The following CSGALNACT1 variants were observed in gnomAD, a reference collection of about 807,000 sequenced individuals.
CSGALNACT1 encodes the protein chondroitin sulfate N-acetylgalactosaminyltransferase 1.
A neutral mutation model predicts 51.0 loss-of-function variants in CSGALNACT1; 52 were observed. That is an observed-to-expected ratio of 1.02 (90% CI 0.82 to 1.29). CSGALNACT1 has a LOEUF of 1.29. Among genes scored for constraint, CSGALNACT1 ranks in the 50% most tolerant of loss-of-function variants. CSGALNACT1 has a pLI of 0.00. For missense variants in CSGALNACT1, 935 were observed against 679.2 expected, an observed-to-expected ratio of 1.38 and a Z score of -4.19; for synonymous variants, 341 against 254.4, an observed-to-expected ratio of 1.34 and a Z score of -3.24.
At chr8:19,453,194 T>G (rs1463611055) in intron 5 of CSGALNACT1, among the ~76,000 whole-genome samples, 1 of 151,996 alleles carries the variant, frequency 6.6e-6, no homozygotes, top group Admixed American at 6.6e-5. Context: ...AGAAGAAAAT[T>G]TCTTAGACAT....
rs112510229 is a variant in CSGALNACT1 at position 19,524,620 on chromosome 8, T to C, written c.-296-18490A>G. ...GACTCTAAGTTAATGAGTCTCAAGA[T>C]TGATATAAATGCAATTATCCTGTGG... On this transcript the variant is annotated intron_variant, in intron 3 of 9. Transcript: ENST00000454498. Among the ~76,000 whole-genome samples the C allele has an allele frequency of 3.5e-3, 535 of 152,250 alleles. 7 individuals are homozygous for C. The highest frequency in any genetic ancestry group is 0.012 in the African/African-American group (515 of 41,534).
At chr8:19,632,730 A>G (rs1265700438) in intron 1 of CSGALNACT1, among the ~76,000 whole-genome samples, 1 of 152,136 alleles carries the variant, frequency 6.6e-6, no homozygotes, top group African/African-American at 2.4e-5. Context: ...CTTCCTTTCA[A>G]CCTAAGCAGA....
At chr8:19,587,925 T>C (rs1472390963) in intron 3 of CSGALNACT1, 2 of 152,228 alleles carry the variant, frequency 1.3e-5, no homozygotes, top group Non-Finnish European at 2.9e-5. Context: ...CAATGGTGGC[T>C]CACGGCTGTA....
intron 3 of CSGALNACT1, among the ~76,000 whole-genome samples, chr8:19,571,195 C>A (rs1470775350): frequency 1.3e-5 from 2 of 152,104 alleles, no homozygotes; most frequent in Admixed American, 6.5e-5. Flanking sequence ...GTCTCAAACT[C>A]CTGGGCTCAA....
chr8:19,630,885 C>T (rs1365002632), intron 1 of CSGALNACT1, among the ~76,000 whole-genome samples: 1 of 152,162 alleles, frequency 6.6e-6, no homozygotes, highest in Non-Finnish European at 1.5e-5. Context: ...CAGACACCCG[C>T]CTCCCTACAG....
rs182501225 is a variant in CSGALNACT1, at chr8:19,440,222, G to A, written c.852-291C>T. On this transcript the variant is annotated intron_variant, in intron 5 of 9. Coordinates refer to ENST00000454498, the Ensembl canonical transcript of CSGALNACT1. ...TCCTAGCCCACCGGGCCTAGACAGTGTCATGGAATTGGGTCCTTGGGGTCC... is the reference window on the plus strand; with the variant it reads ...TCCTAGCCCACCGGGCCTAGACAGTATCATGGAATTGGGTCCTTGGGGTCC... Among the ~76,000 whole-genome samples, 3 of 152,334 alleles carry A rather than the reference G, an allele frequency of 2.0e-5. No homozygotes were observed. The East Asian group carries it at 5.8e-4, about 29-fold the overall frequency.
chr8:19,408,266 T>A (rs1234926481), intron 9 of CSGALNACT1, among the ~76,000 whole-genome samples: 5 of 152,052 alleles, frequency 3.3e-5, no homozygotes. Flanking sequence ...TGCCACCTAC[T>A]ACCAGGCCCC....
intron 4 of CSGALNACT1, among the ~76,000 whole-genome samples, chr8:19,461,469 C>T (rs1316351702): frequency 2.0e-5 from 3 of 152,162 alleles, no homozygotes; most frequent in African/African-American, 7.2e-5. Context: ...ACAGCAGCCA[C>T]ATTCACCAAG....
chr8:19,603,685 T>A (rs1386572793), upstream of CSGALNACT1, among the ~76,000 whole-genome samples: 1 of 152,212 alleles, frequency 6.6e-6, no homozygotes, highest in Non-Finnish European at 1.5e-5. Context: ...CCACTTAAAT[T>A]TTCTTTTCTG....
intron 2 of CSGALNACT1, among the ~76,000 whole-genome samples, chr8:19,598,169 A>G (rs1288404519): frequency 1.3e-5 from 2 of 152,228 alleles, no homozygotes; most frequent in Non-Finnish European, 2.9e-5. Context: ...TCCCAATAGC[A>G]GAGCTCAAAA....
At chr8:19,621,554 G>A (rs1486308299) in intron 1 of CSGALNACT1, among the ~76,000 whole-genome samples, 1 of 152,118 alleles carries the variant, frequency 6.6e-6, no homozygotes, top group Admixed American at 6.5e-5. Context: ...GCCAAGGCAG[G>A]AGGATTGAGG....
intron 1 of CSGALNACT1, among the ~76,000 whole-genome samples, chr8:19,688,394 T>A (rs1319003620): frequency 6.6e-6 from 1 of 152,154 alleles, no homozygotes; most frequent in Admixed American, 6.5e-5. Flanking sequence ...GGTAGACAAG[T>A]GGCCACACCC....
At chr8:19,459,369 C>T (rs1350254700) in intron 4 of CSGALNACT1, among the ~76,000 whole-genome samples, 2 of 119,148 alleles carry the variant, frequency 1.7e-5, no homozygotes, top group Non-Finnish European at 3.2e-5. Flanking sequence ...GGCAACAGAG[C>T]GAAACTTTAT....
chr8:19,458,881 G>T (rs1259683861), intron 4 of CSGALNACT1, among the ~76,000 whole-genome samples: 1 of 152,134 alleles, frequency 6.6e-6, no homozygotes, highest in East Asian at 1.9e-4. Context: ...AGCTTGAAAT[G>T]CTGGATACAA....
intron 3 of CSGALNACT1, among the ~76,000 whole-genome samples, chr8:19,535,603 A>G (rs2083577945): frequency 6.6e-6 from 1 of 152,222 alleles, no homozygotes; most frequent in Admixed American, 6.5e-5. Flanking sequence ...CAATTCAGGT[A>G]GTGCTCCAAG....
chr8:19,501,662 G>T (rs144920701), intron 4 of CSGALNACT1, among the ~76,000 whole-genome samples: 27 of 152,342 alleles, frequency 1.8e-4, no homozygotes, highest in African/African-American at 6.3e-4. Context: ...TTTGGATTGT[G>T]AAAGAGAGTT....
At chr8:19,648,755 T>C (rs1406083671) in intron 1 of CSGALNACT1, among the ~76,000 whole-genome samples, 1 of 152,118 alleles carries the variant, frequency 6.6e-6, no homozygotes, top group Admixed American at 6.6e-5. Flanking sequence ...TAGTGAGCCA[T>C]GGTGGCGCCA....
intron 1 of CSGALNACT1, among the ~76,000 whole-genome samples, chr8:19,631,139 T>C (rs2055198387): frequency 6.6e-6 from 1 of 152,224 alleles, no homozygotes; most frequent in African/African-American, 2.4e-5. Context: ...ATTTTGGCAA[T>C]TATGAATAAA....
intron 4 of CSGALNACT1, among the ~76,000 whole-genome samples, chr8:19,492,416 C>T (rs892611030): frequency 4.6e-5 from 7 of 152,192 alleles, no homozygotes; most frequent in Non-Finnish European, 1.0e-4. Context: ...TCTTCAGTTT[C>T]CTGCACGCTA....
Sources: gnomAD v4.1 joint callset for allele counts (sites outside exome capture counted in the v4.1 genomes callset) on GRCh38, gnomAD v4.1.1 for gene constraint, MANE v1.5 for transcripts, NCBI Gene and HGNC (gene_info 2026-07-23, HGNC 2026-07-21) for gene names.